The following CELSR1 variants were observed in gnomAD, a reference collection of about 807,000 sequenced individuals.
CELSR1 encodes adhesion G protein-coupled receptor C1.
A neutral mutation model predicts 249.1 loss-of-function variants in CELSR1; 110 were observed. That is an observed-to-expected ratio of 0.44 (90% confidence interval 0.38 to 0.52). The LOEUF (loss-of-function observed/expected upper bound fraction) is 0.52. Among genes scored for constraint, CELSR1 ranks in the 20% least tolerant of loss-of-function variants. The pLI is 0.00. For missense variants in CELSR1, 4,109 were observed against 4,296.4 expected (o/e 0.96, Z 1.22); for synonymous variants, 2,113 against 1,900.0 (o/e 1.11, Z -2.92).
chr22:46,371,214 G>T (rs148942255), intron 25 of CELSR1, among the ~76,000 whole-genome samples: 2 of 152,138 alleles, frequency 1.3e-5, no homozygotes, highest in African/African-American at 4.8e-5. Flanking sequence ...AGTCACATCA[G>T]AACACCCTAG....
chr22:46,426,187 G>A (rs2079536510), intron 5 of CELSR1, among the ~76,000 whole-genome samples: 1 of 152,226 alleles, frequency 6.6e-6, no homozygotes, highest in African/African-American at 2.4e-5. Context: ...GAGGTTGGAA[G>A]GTTGTTTAGA....
chr22:46,533,708 G>A lies in CELSR1; in HGVS notation c.3463C>T (p.Pro1155Ser), dbSNP rs368732062. ...CTGAGCTGCAGTTCGCCCGTGGCGG[G>A]GTCCAGCAGCAACAGGCGCAGCTCG... ...GNELRLLLLD[P>S]ATGELQLSRD... Residue 1155 changes from proline (P) to serine (S), a missense_variant, in exon 1 of 35, where the codon CCC (proline) becomes TCC (serine). Physicochemically the swap from Pro to Ser is moderately conservative, Grantham distance 74. Transcript: ENST00000674500. 1.6e-5 allele frequency: 26 copies of A among 1,612,346 alleles called. No homozygotes were observed. The highest frequency in any genetic ancestry group is 1.7e-6 in the Non-Finnish European group (2 of 1,179,870).
chr22:46,481,713 C>G, intron 1 of CELSR1: 1 of 545,734 alleles, frequency 1.8e-6, no homozygotes, highest in Non-Finnish European at 3.3e-6. Context: ...CCACCACCTC[C>G]TGCACCCGCA....
chr22:46,529,906 A>G (rs1345663890), intron 1 of CELSR1, among the ~76,000 whole-genome samples: 1 of 152,172 alleles, frequency 6.6e-6, no homozygotes, highest in Admixed American at 6.5e-5. Context: ...GTATAATTGG[A>G]CTGTTTATAA....
intron 5 of CELSR1, among the ~76,000 whole-genome samples, chr22:46,432,918 C>G (rs945964133): frequency 1.3e-5 from 2 of 152,198 alleles, no homozygotes; most frequent in African/African-American, 4.8e-5. Flanking sequence ...TGTATTTACA[C>G]AGACCCTCCA....
chr22:46,418,002 G>T (rs772506984), intron 5 of CELSR1, among the ~76,000 whole-genome samples: 1 of 152,206 alleles, frequency 6.6e-6, no homozygotes, highest in African/African-American at 2.4e-5. Context: ...TGCATGCCAG[G>T]ACTTGGCTGT....
At chr22:46,403,185 A>G (rs1279498945) in intron 9 of CELSR1, among the ~76,000 whole-genome samples, 1 of 152,176 alleles carries the variant, frequency 6.6e-6, no homozygotes, top group African/African-American at 2.4e-5. Flanking sequence ...TAATAGATAA[A>G]TCTACAGTCA....
intron 2 of CELSR1, among the ~76,000 whole-genome samples, chr22:46,456,387 C>T (rs758865204): frequency 2.6e-5 from 4 of 152,084 alleles, no homozygotes; most frequent in East Asian, 3.9e-4. Flanking sequence ...AGGCCGGGCA[C>T]GGTGGCTCAC....
chr22:46,397,930 C>G (rs2079168922), intron 11 of CELSR1, 82 bp from the exon 12 acceptor site: 14 of 1,187,636 alleles, frequency 1.2e-5, no homozygotes, highest in Non-Finnish European at 1.6e-5. Context: ...CCTCTCTGGT[C>G]CCTTGCGAGG....
chr22:46,471,363 G>A lies in CELSR1; in HGVS notation c.3545-7018C>T, dbSNP rs577881453. Among the ~76,000 whole-genome samples, 12 of 152,052 alleles carry A rather than the reference G, an allele frequency of 7.9e-5. No homozygotes were observed. The highest frequency in any genetic ancestry group is 6.2e-4 in the South Asian group (3 of 4,812). Reference sequence around the variant, plus strand: ...CCACACCCAGGCCCCTATTAGTTACGTTATTACATTAGCATGGTAGGTTTG... The same window carrying A: ...CCACACCCAGGCCCCTATTAGTTACATTATTACATTAGCATGGTAGGTTTG... On this transcript the variant is annotated intron_variant, in intron 1 of 34. Coordinates refer to ENST00000674500, the MANE Select transcript of CELSR1 (RefSeq NM_001378328.1). The surrounding 1 kb of genome is among the most constrained non-coding windows in gnomAD (Gnocchi z 4.9).
At chr22:46,444,075 C>G (rs2079788319) in intron 2 of CELSR1, among the ~76,000 whole-genome samples, 1 of 152,186 alleles carries the variant, frequency 6.6e-6, no homozygotes, top group South Asian at 2.1e-4. Context: ...TAGTAAGAAC[C>G]CAGGCTGGGC....
intron 1 of CELSR1, among the ~76,000 whole-genome samples, chr22:46,523,527 C>CAAATAAAT (rs35618954): frequency 0.092 from 13,263 of 143,474 alleles, 1,529 homozygotes; most frequent in African/African-American, 0.27. Context: ...GACTCTGTCT[C>CAAATAAAT]AAATAAATAA....
At position 46,394,170 on chromosome 22, in the gene CELSR1, T is replaced by C. The variant is rs754363166; in HGVS notation, c.5936A>G (p.Asn1979Ser). ...GCATTGGCACTGGCCGTTGGTCTTA[T>C]TACAGTCGGGATCAAAGCCTTTGCT... ...AVSKGFDPDC[N>S]KTNGQCQCKE... Residue 1979 changes from asparagine (N) to serine (S), a missense_variant, in exon 14 of 35, where the codon AAT becomes AGT. Physicochemically the swap from Asn to Ser is conservative, Grantham distance 46. Around this residue, in one of 7 missense-constraint regions of CELSR1, gnomAD observed 1,805 missense variants for 1,831.6 expected, o/e 0.99. Coordinates refer to ENST00000674500, the MANE Select transcript of CELSR1 (RefSeq NM_001378328.1). 2.5e-6 allele frequency: 4 copies of C among 1,613,934 alleles called. No individual in the cohort carries two copies. The highest frequency in any genetic ancestry group is 1.7e-5 in the Admixed American group (1 of 59,998).
In CELSR1 at chr22:46,426,840, T is replaced by C. The variant is rs191201224; in HGVS notation, c.4611+6553A>G. 3.4e-3 allele frequency among the ~76,000 whole-genome samples: 519 copies of C among 152,318 alleles called. 3 individuals are homozygous for C. Among genetic ancestry groups the C allele is most frequent in the African/African-American group, 0.012 (493 of 41,564 alleles). ...CCCAGACGCTGCCATTTATGAGGAA[T>C]GGGCCTTCGCCAGGCCCCAAACCTG... On this transcript the variant is annotated intron_variant, in intron 5 of 34. Transcript: ENST00000674500.
chr22:46,364,298 G>T, intron 33 of CELSR1, 47 bp from the exon 34 acceptor site: 1 of 1,591,468 alleles, frequency 6.3e-7, no homozygotes, highest in Non-Finnish European at 8.5e-7. Context: ...GATGCTGCCG[G>T]GGGCAGCTGC....
rs146134997 is a variant in CELSR1, at chr22:46,423,777, G to T, written c.4611+9616C>A. On this transcript the variant is annotated intron_variant, in intron 5 of 34. Transcript: ENST00000674500. The surrounding 1 kb of genome is among the most constrained non-coding windows in gnomAD (Gnocchi z 5.6). The stretch of plus-strand genomic sequence containing the variant: ...ACCTGAGGTCAGGAGTTCGAGACCA[G>T]CCTGGCCAACATGGTGAAATCCCAT... Among the ~76,000 whole-genome samples the T allele has an allele frequency of 1.1e-4, 16 of 151,728 alleles. No individual in the cohort carries two copies. The highest frequency in any genetic ancestry group is 2.1e-4 in the Non-Finnish European group (14 of 67,970).
Position 46,436,149 on chromosome 22 carries a change from G to GC in CELSR1, c.4522+24dup. 1 of 1,585,440 alleles carries GC rather than the reference G, an allele frequency of 6.3e-7. No homozygotes were observed. Among genetic ancestry groups the GC allele is most frequent in the Non-Finnish European group, 8.7e-7 (1 of 1,154,396 alleles). ...AAGTATCTGTGAATTGCTCAGAGCT[G>GC]CCCTTCCTGGGGAGAAGGCCCCACC... On this transcript the variant is annotated intron_variant, in intron 4 of 34. Transcript: ENST00000674500. The surrounding 1 kb of genome is among the most constrained non-coding windows in gnomAD (Gnocchi z 5.9).
intron 1 of CELSR1, among the ~76,000 whole-genome samples, chr22:46,489,970 C>G (rs546757857): frequency 6.6e-6 from 1 of 152,194 alleles, no homozygotes; most frequent in Non-Finnish European, 1.5e-5. Flanking sequence ...GATCCAGATG[C>G]GCTGCCCAGC....
chr22:46,470,014 C>T (rs2080139798), intron 1 of CELSR1, among the ~76,000 whole-genome samples: 1 of 13,598 alleles, frequency 7.4e-5, no homozygotes. Context: ...GGCAAAGGGG[C>T]CAGAGAAGTA....
Sources: gnomAD v4.1 joint callset for allele counts (sites outside exome capture counted in the v4.1 genomes callset) on GRCh38, gnomAD v4.1.1 for gene constraint, gnomAD v4.1.1 regional missense constraint, Gnocchi (gnomAD v3.1) non-coding constraint, MANE v1.5 for transcripts, NCBI Gene and HGNC (gene_info 2026-07-23, HGNC 2026-07-21) for gene names.